Variants in PACRG observed in about 807,000 individuals in gnomAD.
PACRG encodes the protein parkin coregulated.
A neutral mutation model predicts 29.7 loss-of-function variants in PACRG; 29 were observed. The observed-to-expected ratio is 0.98, with a 90% CI of 0.73 to 1.33. PACRG has a LOEUF of 1.33. Among genes scored for constraint, PACRG ranks in the 40% most tolerant of loss-of-function variants. PACRG has a pLI of 0.00. For synonymous variants in PACRG, 116 were observed against 118.7 expected, an observed-to-expected ratio of 0.98 and a Z score of 0.15; for missense variants, 279 against 316.2, an observed-to-expected ratio of 0.88 and a Z score of 0.89.
chr6:162,781,024 A>G (rs1014140756), intron 1 of PACRG, among the ~76,000 whole-genome samples: 13 of 152,052 alleles, frequency 8.5e-5, no homozygotes, highest in Non-Finnish European at 1.5e-4. Flanking sequence ...CTATGAACCC[A>G]CAGATCTAAG....
intron 2 of PACRG, among the ~76,000 whole-genome samples, chr6:162,943,286 G>A (rs568034551): frequency 3.3e-5 from 5 of 152,112 alleles, no homozygotes; most frequent in Non-Finnish European, 5.9e-5. Context: ...CATCCCTGAG[G>A]CCCATTGATA....
In PACRG at chr6:163,269,835, GAAAAAGAA is replaced by G. The variant is rs1562349349; in HGVS notation, c.614-44990_614-44983del. 5.4e-4 allele frequency among the ~76,000 whole-genome samples: 13 copies of G among 24,076 alleles called. 1 individual carries two copies. Among genetic ancestry groups the G allele is most frequent in the African/African-American group, 1.9e-3 (12 of 6,298 alleles). 15.8% of individuals were successfully genotyped at this position (24,076 alleles called of 152,430 possible). On this transcript the variant is annotated intron_variant, in intron 4 of 4. Coordinates refer to ENST00000366888, the MANE Select transcript of PACRG (RefSeq NM_001080379.2). ...AAGGAAGGAAGGAGAAAGAAAGAAA[GAAAAAGAA>G]AGAAAGAAAGAAAGAGAAAGAAAGA...
intron 1 of PACRG, among the ~76,000 whole-genome samples, chr6:162,755,899 G>A (rs1781883411): frequency 6.6e-6 from 1 of 151,170 alleles, no homozygotes; most frequent in Non-Finnish European, 1.5e-5. Flanking sequence ...TATTTCTTCT[G>A]TGACCCAGTG....
At chr6:163,236,590 C>T (rs1161510520) in intron 4 of PACRG, among the ~76,000 whole-genome samples, 1 of 152,066 alleles carries the variant, frequency 6.6e-6, no homozygotes, top group African/African-American at 2.4e-5. Flanking sequence ...TTTTCCTACC[C>T]TCGGGTGAAT....
intron 2 of PACRG, among the ~76,000 whole-genome samples, chr6:162,863,102 GGGCCCT>G (rs1791999195): frequency 2.0e-5 from 3 of 152,320 alleles, no homozygotes; most frequent in South Asian, 4.1e-4. Context: ...TTCCACTCAA[GGGCCCT>G]GCACACACTG....
intron 4 of PACRG, among the ~76,000 whole-genome samples, chr6:163,306,686 G>A (rs1006695650): frequency 3.3e-5 from 5 of 152,114 alleles, no homozygotes; most frequent in African/African-American, 1.2e-4. Flanking sequence ...GTCTTTTCAG[G>A]TTTTCTTAGA....
At chr6:162,936,812 T>A (rs1224711090) in intron 2 of PACRG, among the ~76,000 whole-genome samples, 2 of 151,984 alleles carry the variant, frequency 1.3e-5, no homozygotes, top group African/African-American at 4.8e-5. Context: ...TTTTTTTTTT[T>A]AGTTTGGCTT....
intron 4 of PACRG, among the ~76,000 whole-genome samples, chr6:163,272,013 TTTTCTTTTCA>T (rs1289657862): frequency 1.3e-5 from 2 of 151,044 alleles, no homozygotes; most frequent in Non-Finnish European, 2.9e-5. Context: ...ATTTGTTTTC[TTTTCTTTTCA>T]TTTCTTTTCT....
chr6:162,830,639 A>C (rs1188808229), intron 2 of PACRG, among the ~76,000 whole-genome samples: 1 of 152,246 alleles, frequency 6.6e-6, no homozygotes, highest in Non-Finnish European at 1.5e-5. Context: ...ATCCAGTAAT[A>C]GCTCCAAATG....
chr6:162,857,538 C>T (rs1421271087), intron 2 of PACRG, among the ~76,000 whole-genome samples: 1 of 152,136 alleles, frequency 6.6e-6, no homozygotes, highest in Non-Finnish European at 1.5e-5. Context: ...CTCATGCACC[C>T]AGGAAGGCTA....
Position 162,841,469 on chromosome 6 carries a change from A to G in PACRG, c.291+27188A>G, listed in dbSNP as rs151059353. Among the ~76,000 whole-genome samples, 293 of 152,118 alleles carry G rather than the reference A, an allele frequency of 1.9e-3. 1 individual carries two copies. Among genetic ancestry groups the G allele is most frequent in the African/African-American group, 6.7e-3 (277 of 41,466 alleles). On this transcript the variant is annotated intron_variant, in intron 2 of 4. Coordinates refer to ENST00000366888, the MANE Select transcript of PACRG (RefSeq NM_001080379.2). The stretch of plus-strand genomic sequence containing the variant: ...CCCTTTATCATATTTTATTGCATCT[A>G]TTAGATTTTTCTCTCTTTTTTTCTT...
intron 1 of PACRG, among the ~76,000 whole-genome samples, chr6:162,735,383 T>C (rs1223620929): frequency 1.3e-5 from 2 of 152,212 alleles, no homozygotes; most frequent in African/African-American, 4.8e-5. Context: ...CTGTTTGTGC[T>C]ACAGTCTCAC....
rs540911365 is a variant in PACRG at position 162,853,092 on chromosome 6, A to T, written c.291+38811A>T. Among the ~76,000 whole-genome samples the T allele has an allele frequency of 2.2e-4, 33 of 152,336 alleles. No individual in the cohort carries two copies. The highest frequency in any genetic ancestry group is 1.8e-3 in the Admixed American group (27 of 15,306). On this transcript the variant is annotated intron_variant, in intron 2 of 4. Coordinates refer to ENST00000366888, the MANE Select transcript of PACRG (RefSeq NM_001080379.2). This position sits in a 1 kb window ranked among gnomAD's most constrained non-coding sequence, Gnocchi z 4.7. ...GATGAGAGATTTCCTTCTTTTGTAAAGCGGCAGAACTATTGTGAAAGGGGA... is the reference window on the plus strand; with the variant it reads ...GATGAGAGATTTCCTTCTTTTGTAATGCGGCAGAACTATTGTGAAAGGGGA...
intron 4 of PACRG, chr6:163,190,779 GT>G (rs1316232956): frequency 3.1e-6 from 1 of 318,622 alleles, no homozygotes; most frequent in African/African-American, 2.2e-5. Flanking sequence ...CCACTCAAAT[GT>G]TCTGTGAGCC....
chr6:163,304,618 G>C (rs1245554349), intron 4 of PACRG, among the ~76,000 whole-genome samples: 1 of 152,204 alleles, frequency 6.6e-6, no homozygotes, highest in Non-Finnish European at 1.5e-5. Context: ...AGATGATGTG[G>C]ATGCAAAATC....
Position 162,906,929 on chromosome 6 carries a change from T to C in PACRG, c.291+92648T>C, listed in dbSNP as rs570413312. On this transcript the variant is annotated intron_variant, in intron 2 of 4. Transcript: ENST00000366888. The stretch of plus-strand genomic sequence containing the variant: ...AGTGCATATGAAAACCAGTGAGTTT[T>C]AGGAAAATATTTAAATGTGGAGAAA... Among the ~76,000 whole-genome samples, 9 of 152,332 alleles carry C rather than the reference T, an allele frequency of 5.9e-5. No homozygotes were observed. The East Asian group carries it at 1.7e-3, about 29-fold the overall frequency.
intron 2 of PACRG, chr6:162,957,449 C>T (rs1353958626): frequency 5.9e-6 from 3 of 505,682 alleles, no homozygotes; most frequent in Non-Finnish European, 1.1e-5. Flanking sequence ...ACACCACATG[C>T]AGAGTTTTGG....
At position 162,967,169 on chromosome 6, in the gene PACRG, G is replaced by A. The variant is rs191218649; in HGVS notation, c.292-94981G>A. Among the ~76,000 whole-genome samples the A allele has an allele frequency of 6.8e-4, 103 of 151,984 alleles. 1 individual carries two copies. The highest frequency in any genetic ancestry group is 4.2e-3 in the South Asian group (20 of 4,814). On this transcript the variant is annotated intron_variant, in intron 2 of 4. Transcript: ENST00000366888. ...GAAATTAATGCTTGCCTTAATAACA[G>A]ATGCTTTCTATTTGGGGTTTGAAAT...
At chr6:162,927,582 C>T (rs749104939) in intron 2 of PACRG, among the ~76,000 whole-genome samples, 2 of 151,996 alleles carry the variant, frequency 1.3e-5, no homozygotes, top group Non-Finnish European at 2.9e-5. Context: ...TATTCTCACT[C>T]ATGAGTCGGA....
Sources: allele counts gnomAD v4.1 joint callset (sites outside exome capture counted in the v4.1 genomes callset), GRCh38; gene constraint gnomAD v4.1.1; non-coding constraint Gnocchi (gnomAD v3.1); transcripts MANE v1.5; gene names NCBI Gene and HGNC (gene_info 2026-07-23, HGNC 2026-07-21).